Variants in DNAJC22 observed in about 807,000 individuals in gnomAD.
DNAJC22 encodes the protein DnaJ heat shock protein family (Hsp40) member C22.
In DNAJC22, 24 loss-of-function variants were observed where a neutral mutation model predicts 22.2. The ratio of observed to expected loss-of-function variants is 1.08; its 90% CI spans 0.78 to 1.52. The LOEUF (loss-of-function observed/expected upper bound fraction) is 1.52. DNAJC22 is among the 40% of genes most tolerant of loss of function. DNAJC22 has a pLI of 0.00. For missense variants in DNAJC22, 434 were observed against 421.7 expected, an observed-to-expected ratio of 1.03 and a Z score of -0.26; for synonymous variants, 160 against 167.4, an observed-to-expected ratio of 0.96 and a Z score of 0.34.
At position 49,348,982 on chromosome 12, in the gene DNAJC22, C is replaced by A. The variant is rs1375861449; in HGVS notation, c.110C>A (p.Thr37Asn). 3.2e-6 allele frequency: 5 copies of A among 1,556,864 alleles called. No homozygotes were observed. The highest frequency in any genetic ancestry group is 3.5e-6 in the Non-Finnish European group (4 of 1,154,182). The change falls in exon 3 of 4, where the codon ACC becomes AAC. Residue 37 changes from threonine (T) to asparagine (N), a missense_variant. Thr to Asn is a moderately conservative substitution (Grantham distance 65). Coordinates refer to ENST00000549441, the MANE Select transcript of DNAJC22 (RefSeq NM_001304944.2). ...AGCCACGCCCTGCTCTGGATGCTGA[C>A]CCTGGGGGGAGGTGGGCTGGGCTGG... Reference protein sequence around the residue: ...RDSHALLWMLTLGGGGLGWLW... With the variant: ...RDSHALLWMLNLGGGGLGWLW...
chr12:49,350,847 T>G (rs907529987), intron 3 of DNAJC22, among the ~76,000 whole-genome samples: 3 of 152,210 alleles, frequency 2.0e-5, no homozygotes, highest in Non-Finnish European at 4.4e-5. Context: ...TTCACTGTTG[T>G]GTAGTATCCC....
At position 49,349,434 on chromosome 12, in the gene DNAJC22, G is replaced by A; in HGVS notation, c.562G>A (p.Ala188Thr). ...TGTGCGGCTCTATCGTCTGGGCTTG[G>A]CTTACCTTGCTTTCACAGGCCCACT... Reference protein sequence around the residue: ...LSVRLYRLGLAYLAFTGPLAY... With the variant: ...LSVRLYRLGLTYLAFTGPLAY... The change falls in exon 3 of 4, where the codon GCT becomes ACT. Residue 188 changes from alanine (A) to threonine (T), a missense_variant. Ala to Thr is a moderately conservative substitution (Grantham distance 58). Transcript: ENST00000549441. 6.2e-7 allele frequency: 1 copy of A among 1,613,798 alleles called. No homozygotes were observed. The highest frequency in any genetic ancestry group is 8.5e-7 in the Non-Finnish European group (1 of 1,179,920).
At position 49,347,403 on chromosome 12, in the gene DNAJC22, G is replaced by A; in HGVS notation, c.-718G>A. ...GCTCGGAGGTGGGCCGGTGAGGCAA[G>A]CAAGCCCTGTGGGGGGTTGAGGACA... On this transcript the variant is annotated 5_prime_UTR_variant, in exon 1 of 4. Coordinates refer to ENST00000549441, the MANE Select transcript of DNAJC22 (RefSeq NM_001304944.2). The A allele has an allele frequency of 6.6e-6, 1 of 152,624 alleles. No individual in the cohort carries two copies. Among genetic ancestry groups the A allele is most frequent in the Non-Finnish European group, 1.5e-5 (1 of 68,268 alleles). 9.5% of individuals were successfully genotyped at this position (152,624 alleles called of 1,614,324 possible).
intron 2 of DNAJC22, 22 bp from the exon 3 acceptor site, chr12:49,348,742 ACT>A (rs1840138673): frequency 2.4e-6 from 3 of 1,272,034 alleles, no homozygotes; most frequent in Non-Finnish European, 3.1e-6. Flanking sequence ...TCATCTTATG[ACT>A]CTACTTTTTC....
Position 49,348,835 on chromosome 12 carries a change from G to T in DNAJC22, c.-38G>T. The T allele has an allele frequency of 1.4e-6, 2 of 1,452,192 alleles. No homozygotes were observed. The highest frequency in any genetic ancestry group is 9.1e-7 in the Non-Finnish European group (1 of 1,101,594). 90.0% of individuals were successfully genotyped at this position (1,452,192 alleles called of 1,614,324 possible). On this transcript the variant is annotated 5_prime_UTR_variant, in exon 3 of 4. Coordinates refer to ENST00000549441, the MANE Select transcript of DNAJC22 (RefSeq NM_001304944.2). ...GAGGACCCCGAGACTTCTGTGCTGC[G>T]AGTAACCGGACTTGTTCTGAGACCT... is the stretch of plus-strand genomic sequence containing the variant.
rs1226577139 is a variant in DNAJC22 at position 49,352,643 on chromosome 12, G to C, written c.*1141G>C. 1 of 152,218 alleles carries C rather than the reference G, an allele frequency of 6.6e-6. No individual in the cohort carries two copies. The highest frequency in any genetic ancestry group is 1.5e-5 in the Non-Finnish European group (1 of 68,042). 9.4% of individuals were successfully genotyped at this position (152,218 alleles called of 1,614,324 possible). A position where few individuals can be genotyped will look rare whatever the true frequency, so the allele number is the denominator to read the frequency against. On this transcript the variant is annotated 3_prime_UTR_variant, in exon 4 of 4. Transcript: ENST00000549441. Reference sequence around the variant, plus strand: ...ATTCACAAGCTGTCCTGTGATAAGAGAGATTTGATCTTTTCTGTAGATGGG... The same window carrying C: ...ATTCACAAGCTGTCCTGTGATAAGACAGATTTGATCTTTTCTGTAGATGGG...
rs564100183 is a variant in DNAJC22 at position 49,349,124 on chromosome 12, G to A, written c.252G>A (p.Gln84=). The A allele has an allele frequency of 3.7e-6, 6 of 1,614,166 alleles. No homozygotes were observed. Among genetic ancestry groups the A allele is most frequent in the Admixed American group, 3.3e-5 (2 of 60,028 alleles). The change falls in exon 3 of 4, where the codon CAG becomes CAA. Residue 84 remains glutamine, a synonymous_variant. Coordinates refer to ENST00000549441, the MANE Select transcript of DNAJC22 (RefSeq NM_001304944.2). ...PPLSPIRFAA[Q]VIVGIYFGLV... ...TGAGTCCCATTCGCTTTGCTGCCCA[G>A]GTGATAGTTGGCATCTATTTTGGCC...
rs980091272 is a variant in DNAJC22, at chr12:49,352,206, A to G, written c.*704A>G. The G allele has an allele frequency of 4.6e-5, 7 of 152,364 alleles. No homozygotes were observed. The highest frequency in any genetic ancestry group is 6.8e-3 in the Middle Eastern group (2 of 294). The allele number at this position is 152,364 out of a possible 1,614,324, so 9.4% of individuals were successfully genotyped here. The stretch of plus-strand genomic sequence containing the variant: ...ATGTGTGATGGAGAAAGATTATTTA[A>G]CTATTTTTTTAAATGTGTAAAGCAG... On this transcript the variant is annotated 3_prime_UTR_variant, in exon 4 of 4. Transcript: ENST00000549441.
rs1471503559 is a variant in DNAJC22 at position 49,352,775 on chromosome 12, G to C, written c.*1273G>C. On this transcript the variant is annotated 3_prime_UTR_variant, in exon 4 of 4. Coordinates refer to ENST00000549441, the MANE Select transcript of DNAJC22 (RefSeq NM_001304944.2). ...CTCCAAAAGGGAACAAGCTACTGTGGAGTGGGGGGTAGTTCTTCCTCCTCT... is the reference window on the plus strand; with the variant it reads ...CTCCAAAAGGGAACAAGCTACTGTGCAGTGGGGGGTAGTTCTTCCTCCTCT... 2.6e-5 allele frequency: 4 copies of C among 152,146 alleles called. No individual in the cohort carries two copies. The East Asian group carries it at 7.7e-4, about 29-fold the overall frequency. The allele number at this position is 152,146 out of a possible 1,614,324, so 9.4% of individuals were successfully genotyped here.
Position 49,351,339 on chromosome 12 carries a change from C to A in DNAJC22, c.863C>A (p.Ala288Glu), listed in dbSNP as rs1000796956. 6 of 1,613,542 alleles carry A rather than the reference C, an allele frequency of 3.7e-6. No individual in the cohort carries two copies. The highest frequency in any genetic ancestry group is 4.2e-6 in the Non-Finnish European group (5 of 1,179,752). Residue 288 changes from alanine (A) to glutamate (E), a missense_variant, in exon 4 of 4, where the codon GCA (alanine) becomes GAA (glutamate). Physicochemically the swap from Ala to Glu is moderately radical, Grantham distance 107. Coordinates refer to ENST00000549441, the MANE Select transcript of DNAJC22 (RefSeq NM_001304944.2). ...AYQVLGLSEG[A>E]TNEEIHRSYQ... ...AAGGTTTTGGGCCTCTCAGAAGGGGCAACAAATGAAGAAATACATCGGAGT... is the reference window on the plus strand; with the variant it reads ...AAGGTTTTGGGCCTCTCAGAAGGGGAAACAAATGAAGAAATACATCGGAGT...
intron 3 of DNAJC22, among the ~76,000 whole-genome samples, chr12:49,350,790 G>A (rs115127474): frequency 2.3e-3 from 343 of 152,226 alleles, no homozygotes; most frequent in African/African-American, 8.0e-3. Context: ...GAGCCACCAC[G>A]CCCGACCATT....
intron 3 of DNAJC22, among the ~76,000 whole-genome samples, chr12:49,350,076 T>G (rs1332702247): frequency 6.7e-6 from 1 of 148,832 alleles, no homozygotes; most frequent in Non-Finnish European, 1.5e-5. Flanking sequence ...CTCATTCTTC[T>G]TCTTCTTTTT....
Position 49,348,797 on chromosome 12 carries a change from C to T in DNAJC22, c.-76C>T. The T allele has an allele frequency of 7.0e-7, 1 of 1,429,964 alleles. No homozygotes were observed. Among genetic ancestry groups the T allele is most frequent in the Non-Finnish European group, 9.2e-7 (1 of 1,090,528 alleles). 88.6% of individuals were successfully genotyped at this position (1,429,964 alleles called of 1,614,324 possible). A position where few individuals can be genotyped will look rare whatever the true frequency, so the allele number is the denominator to read the frequency against. Reference sequence around the variant, plus strand: ...AGGATAACTCTGGGGCCATGACAGCCATGAGTCTCACAGAGGACCCCGAGA... The same window carrying T: ...AGGATAACTCTGGGGCCATGACAGCTATGAGTCTCACAGAGGACCCCGAGA... On this transcript the variant is annotated 5_prime_UTR_variant, in exon 3 of 4. Coordinates refer to ENST00000549441, the MANE Select transcript of DNAJC22 (RefSeq NM_001304944.2).
In DNAJC22 at chr12:49,349,387, TG is replaced by T. The variant is rs755882054; in HGVS notation, c.517del (p.Val173TrpfsTer47). 1.9e-6 allele frequency: 3 copies of T among 1,606,490 alleles called. No homozygotes were observed. Among genetic ancestry groups the T allele is most frequent in the Non-Finnish European group, 2.5e-6 (3 of 1,176,514 alleles). ...CAGAGGCATCGCCGCTACAAAGCTTTGGTGGCATCAGAGCCGCTCAGTGTGC... is the reference window on the plus strand; with the variant it reads ...CAGAGGCATCGCCGCTACAAAGCTTTGTGGCATCAGAGCCGCTCAGTGTGC... Reference protein sequence around the residue: ...TAQRHRRYKALVASEPLSVRL... With the variant: ...TAQRHRRYKAXVASEPLSVRL... On this transcript the variant is annotated frameshift_variant, in exon 3 of 4. Transcript: ENST00000549441. LOFTEE classifies it high-confidence loss of function.
chr12:49,350,721 C>T (rs528808610), intron 3 of DNAJC22, among the ~76,000 whole-genome samples: 2 of 152,034 alleles, frequency 1.3e-5, no homozygotes, highest in Admixed American at 1.3e-4. Context: ...TGGTCTCGAA[C>T]TCCCGACCTC....
rs1440255233 is a variant in DNAJC22, at chr12:49,352,990, A to C, written c.*1488A>C. 6.6e-6 allele frequency: 1 copy of C among 152,260 alleles called. No homozygotes were observed. Among genetic ancestry groups the C allele is most frequent in the African/African-American group, 2.4e-5 (1 of 41,462 alleles). 9.4% of individuals were successfully genotyped at this position (152,260 alleles called of 1,614,324 possible). A position where few individuals can be genotyped will look rare whatever the true frequency, so the allele number is the denominator to read the frequency against. ...AAGCCCTTGTTCAGTGTTTTGAACT[A>C]AATGTCATAAGAGCTGTAAATAGTG... On this transcript the variant is annotated 3_prime_UTR_variant, in exon 4 of 4. Transcript: ENST00000549441.
chr12:49,349,665 G>A lies in DNAJC22; in HGVS notation c.793G>A (p.Glu265Lys). 6.2e-7 allele frequency: 1 copy of A among 1,614,214 alleles called. No homozygotes were observed. Among genetic ancestry groups the A allele is most frequent in the Non-Finnish European group, 8.5e-7 (1 of 1,180,036 alleles). ...SCFQEWAKLY[E>K]FVHSFQDEKR... ...CTTTCAGGAGTGGGCGAAGCTCTAT[G>A]AGTTTGTTCACAGTTTTCAGGATGA... The change falls in exon 3 of 4, where the codon GAG (glutamate) becomes AAG (lysine). Residue 265 changes from glutamate (E) to lysine (K), a missense_variant. By Grantham distance (56) the Glu-to-Lys change is moderately conservative. Transcript: ENST00000549441.
At chr12:49,350,202 G>A (rs1022472099) in intron 3 of DNAJC22, among the ~76,000 whole-genome samples, 3 of 151,414 alleles carry the variant, frequency 2.0e-5, no homozygotes, top group South Asian at 2.1e-4. Flanking sequence ...TCAGCCTCCC[G>A]AGTAGCTGGG....
intron 2 of DNAJC22, 136 bp from the exon 3 acceptor site, chr12:49,348,630 G>A: frequency 2.5e-6 from 1 of 405,938 alleles, no homozygotes; most frequent in Non-Finnish European, 4.2e-6. Flanking sequence ...GGACTGAGGT[G>A]CTAGGACAAG....
Sources: gnomAD v4.1 joint callset for allele counts (sites outside exome capture counted in the v4.1 genomes callset) on GRCh38, gnomAD v4.1.1 for gene constraint, MANE v1.5 for transcripts, NCBI Gene and HGNC (gene_info 2026-07-23, HGNC 2026-07-21) for gene names.